OR10K1: variants seen among roughly 807,000 people sequenced by gnomAD.
The protein encoded by OR10K1 is olfactory receptor 10K1.
For synonymous variants in OR10K1, 186 were observed against 152.5 expected (o/e 1.22, Z -1.62); for missense variants, 404 against 373.3 (o/e 1.08, Z -0.68).
At position 158,466,111 on chromosome 1, in the gene OR10K1, G is replaced by T. The variant is rs1314916355; in HGVS notation, c.550G>T (p.Val184Phe). 2 of 1,613,746 alleles carry T rather than the reference G, an allele frequency of 1.2e-6. No individual in the cohort carries two copies. The highest frequency in any genetic ancestry group is 1.7e-5 in the Admixed American group (1 of 59,976). Residue 184 changes from valine to phenylalanine, a missense_variant, in exon 2 of 2, where the codon GTC becomes TTC. By Grantham distance (50) the Val-to-Phe change is conservative. Transcript: ENST00000641535. ...TCACTTCTTCTGTGACATCTCCCCTGTCCTTAAACTGGCATCTCAGCACTC... is the reference window on the plus strand; with the variant it reads ...TCACTTCTTCTGTGACATCTCCCCTTTCCTTAAACTGGCATCTCAGCACTC... ...LHHFFCDISP[V>F]LKLASQHSGF...
rs1223744513 is a variant in OR10K1 at position 158,466,868 on chromosome 1, AAAAG to A, written c.*373_*376del. 6.1e-6 allele frequency: 1 copy of A among 162,972 alleles called. No individual in the cohort carries two copies. The highest frequency in any genetic ancestry group is 6.3e-5 in the Admixed American group (1 of 15,982). 10.1% of individuals were successfully genotyped at this position (162,972 alleles called of 1,614,324 possible). On this transcript the variant is annotated 3_prime_UTR_variant, in exon 2 of 2. Transcript: ENST00000641535. Reference sequence around the variant, plus strand: ...AAGAAAAGATGTATCCAAAAAAAAAAAAAGAAAGAAAAAAGAAAAAAAAAAGGAA... The same window carrying A: ...AAGAAAAGATGTATCCAAAAAAAAAAAAAGAAAAAAGAAAAAAAAAAGGAA...
At position 158,466,004 on chromosome 1, in the gene OR10K1, C is replaced by T. The variant is rs764937666; in HGVS notation, c.443C>T (p.Ala148Val). 3 of 1,613,970 alleles carry T rather than the reference C, an allele frequency of 1.9e-6. No homozygotes were observed. Among genetic ancestry groups the T allele is most frequent in the African/African-American group, 2.7e-5 (2 of 74,880 alleles). Reference sequence around the variant, plus strand: ...GTGTGTATGGGACTAATGGCTGCTGCCTGTGCCTGTGGCTTCACTGTCTCC... The same window carrying T: ...GTGTGTATGGGACTAATGGCTGCTGTCTGTGCCTGTGGCTTCACTGTCTCC... ...HGVCMGLMAA[A>V]CACGFTVSLV... Residue 148 changes from alanine (A) to valine (V), a missense_variant, in exon 2 of 2, where the codon GCC (alanine) becomes GTC (valine). By Grantham distance (64) the Ala-to-Val change is moderately conservative (BLOSUM62 0). Coordinates refer to ENST00000641535, the MANE Select transcript of OR10K1 (RefSeq NM_001004473.2).
At chr1:158,462,100 T>C (rs1302259688) in intron 1 of OR10K1, among the ~76,000 whole-genome samples, 196 bp downstream of exon 1, 1 of 151,906 alleles carries the variant, frequency 6.6e-6, no homozygotes, top group Non-Finnish European at 1.5e-5. Flanking sequence ...GCCAACATGA[T>C]GAAACCCCGT....
chr1:158,464,205 G>C (rs2157688), intron 1 of OR10K1, among the ~76,000 whole-genome samples: 140,498 of 152,266 alleles, frequency 0.92, 65,041 homozygotes, highest in Middle Eastern at 0.98. Flanking sequence ...GGATGATTTT[G>C]TATCCAGATA....
chr1:158,462,888 A>G (rs551639059), intron 1 of OR10K1, among the ~76,000 whole-genome samples: 1 of 152,340 alleles, frequency 6.6e-6, no homozygotes, highest in South Asian at 2.1e-4. Flanking sequence ...AGCATCTCCA[A>G]GGATCATAGC....
intron 1 of OR10K1, among the ~76,000 whole-genome samples, chr1:158,463,812 T>TAC (rs1191177338): frequency 1.3e-5 from 2 of 152,182 alleles, no homozygotes; most frequent in Non-Finnish European, 2.9e-5. Context: ...ATATAACTAA[T>TAC]ACACACACAC....
In OR10K1 at chr1:158,466,845, G is replaced by T; in HGVS notation, c.*342G>T. ...TAGAGAGCTTGGATACATCAGGAAA[G>T]AAAAGATGTATCCAAAAAAAAAAAA... On this transcript the variant is annotated 3_prime_UTR_variant, in exon 2 of 2. Transcript: ENST00000641535. 3 of 72,084 alleles carry T rather than the reference G, an allele frequency of 4.2e-5. No individual in the cohort carries two copies. The highest frequency in any genetic ancestry group is 5.7e-5 in the African/African-American group (1 of 17,622). 4.5% of individuals were successfully genotyped at this position (72,084 alleles called of 1,614,324 possible).
In OR10K1 at chr1:158,466,348, A is replaced by G. The variant is rs756713502; in HGVS notation, c.787A>G (p.Lys263Glu). The G allele has an allele frequency of 1.2e-6, 2 of 1,614,086 alleles. No individual in the cohort carries two copies. Among genetic ancestry groups the G allele is most frequent in the Admixed American group, 3.3e-5 (2 of 59,988 alleles). ...SCASFIYLRP[K>E]TNYTSSQDTL... ...TGCCTCTTTCATCTACTTAAGGCCC[A>G]AGACTAATTACACTTCAAGCCAAGA... is the stretch of plus-strand genomic sequence containing the variant. The change falls in exon 2 of 2, where the codon AAG becomes GAG. Residue 263 changes from lysine to glutamate, a missense_variant. By Grantham distance (56) the Lys-to-Glu change is moderately conservative. Coordinates refer to ENST00000641535, the MANE Select transcript of OR10K1 (RefSeq NM_001004473.2).
rs1421096064 is a variant in OR10K1, at chr1:158,465,684, C to G, written c.123C>G (p.Thr41=). The part of the protein sequence containing the change: ...FLLLYLFTLG[T]NAIIISTIVL... Reference sequence around the variant, plus strand: ...TCCTCTACCTGTTCACTCTGGGCACCAATGCAATCATCATTTCCACCATTG... The same window carrying G: ...TCCTCTACCTGTTCACTCTGGGCACGAATGCAATCATCATTTCCACCATTG... Residue 41 remains threonine, a synonymous_variant, in exon 2 of 2, where the codon ACC becomes ACG. Transcript: ENST00000641535. The G allele has an allele frequency of 4.3e-6, 7 of 1,614,138 alleles. No homozygotes were observed. The highest frequency in any genetic ancestry group is 5.9e-6 in the Non-Finnish European group (7 of 1,180,008).
At position 158,465,486 on chromosome 1, in the gene OR10K1, C is replaced by A. The variant is rs1656013656; in HGVS notation, c.-76C>A. On this transcript the variant is annotated 5_prime_UTR_variant, in exon 2 of 2. Coordinates refer to ENST00000641535, the MANE Select transcript of OR10K1 (RefSeq NM_001004473.2). The stretch of plus-strand genomic sequence containing the variant: ...ACCTGCAAACTTTGTGTGAAATTTC[C>A]CGTACATTTCCACTCTCCTTTCTGG... The A allele has an allele frequency of 8.8e-7, 1 of 1,132,214 alleles. No homozygotes were observed. The highest frequency in any genetic ancestry group is 2.5e-5 in the Admixed American group (1 of 40,516). The allele number at this position is 1,132,214 out of a possible 1,614,324, so 70.1% of individuals were successfully genotyped here.
Position 158,465,566 on chromosome 1 carries a change from A to G in OR10K1, c.5A>G (p.Glu2Gly), listed in dbSNP as rs1191092277. The G allele has an allele frequency of 6.2e-7, 1 of 1,613,416 alleles. No individual in the cohort carries two copies. Among genetic ancestry groups the G allele is most frequent in the South Asian group, 1.1e-5 (1 of 91,018 alleles). Residue 2 changes from glutamate to glycine, a missense_variant, in exon 2 of 2, where the codon GAG (glutamate) becomes GGG (glycine). Transcript: ENST00000641535. ...TCCTTTATAGAAGTGCTCTCCATGG[A>G]GCAAGTCAATAAGACTGTGGTGAGA... M[E>G]QVNKTVVREF...
intron 1 of OR10K1, among the ~76,000 whole-genome samples, chr1:158,463,018 T>C (rs1418842): frequency 0.45 from 67,633 of 151,970 alleles, 15,641 homozygotes; most frequent in Non-Finnish European, 0.5. Context: ...ACTCCGATAC[T>C]ATCTTAGTCA....
In OR10K1 at chr1:158,466,304, T is replaced by C; in HGVS notation, c.743T>C (p.Val248Ala). 2.5e-6 allele frequency: 4 copies of C among 1,614,158 alleles called. No homozygotes were observed. Among genetic ancestry groups the C allele is most frequent in the Non-Finnish European group, 3.4e-6 (4 of 1,180,006 alleles). ...FSTCASHLIV[V>A]TVHYSCASFI... is the part of the protein sequence containing the mutation. ...ACCTGTGCCTCCCATCTCATTGTGG[T>C]AACTGTTCACTACAGTTGTGCCTCT... Residue 248 changes from valine (V) to alanine (A), a missense_variant, in exon 2 of 2, where the codon GTA (valine) becomes GCA (alanine). By Grantham distance (64) the Val-to-Ala change is moderately conservative. Transcript: ENST00000641535.
At position 158,466,593 on chromosome 1, in the gene OR10K1, C is replaced by A; in HGVS notation, c.*90C>A. On this transcript the variant is annotated 3_prime_UTR_variant, in exon 2 of 2. Coordinates refer to ENST00000641535, the MANE Select transcript of OR10K1 (RefSeq NM_001004473.2). ...TTTTTCATTTAATTGTCCAGCTCCA[C>A]TGTAACATAAGAACATTTTACATAT... is the stretch of plus-strand genomic sequence containing the variant. 1.3e-6 allele frequency: 1 copy of A among 792,632 alleles called. No homozygotes were observed. Among genetic ancestry groups the A allele is most frequent in the Non-Finnish European group, 2.1e-6 (1 of 479,034 alleles). The allele number at this position is 792,632 out of a possible 1,614,324, so 49.1% of individuals were successfully genotyped here.
In OR10K1 at chr1:158,465,790, A is replaced by G. The variant is rs1357605957; in HGVS notation, c.229A>G (p.Ile77Val). The change falls in exon 2 of 2, where the codon ATT becomes GTT. Residue 77 changes from isoleucine (I) to valine (V), a missense_variant. By Grantham distance (29) the Ile-to-Val change is conservative (BLOSUM62 3). Coordinates refer to ENST00000641535, the MANE Select transcript of OR10K1 (RefSeq NM_001004473.2). ...CTCTGAGATTTGCTATACCTTTGTC[A>G]TTGTACCCAAGATGCTGGTTGACCT... is the stretch of plus-strand genomic sequence containing the variant. ...SCSEICYTFV[I>V]VPKMLVDLLS... The G allele has an allele frequency of 2.5e-6, 4 of 1,614,116 alleles. No individual in the cohort carries two copies. In the South Asian group the frequency reaches 4.4e-5, roughly 18 times the overall value.
Position 158,466,333 on chromosome 1 carries a change from A to G in OR10K1, c.772A>G (p.Ile258Val), listed in dbSNP as rs1161799926. 5 of 1,614,064 alleles carry G rather than the reference A, an allele frequency of 3.1e-6. No homozygotes were observed. Among genetic ancestry groups the G allele is most frequent in the Non-Finnish European group, 4.2e-6 (5 of 1,180,000 alleles). Reference sequence around the variant, plus strand: ...TGTTCACTACAGTTGTGCCTCTTTCATCTACTTAAGGCCCAAGACTAATTA... The same window carrying G: ...TGTTCACTACAGTTGTGCCTCTTTCGTCTACTTAAGGCCCAAGACTAATTA... Reference protein sequence around the residue: ...VTVHYSCASFIYLRPKTNYTS... With the variant: ...VTVHYSCASFVYLRPKTNYTS... Residue 258 changes from isoleucine to valine, a missense_variant, in exon 2 of 2, where the codon ATC (isoleucine) becomes GTC (valine). Ile to Val is a conservative substitution (Grantham distance 29). Coordinates refer to ENST00000641535, the MANE Select transcript of OR10K1 (RefSeq NM_001004473.2).
chr1:158,462,020 C>T (rs1571283342), intron 1 of OR10K1, 116 bp downstream of exon 1: 1 of 152,200 alleles, frequency 6.6e-6, no homozygotes, highest in East Asian at 1.9e-4. Context: ...TGGCTCACCC[C>T]TGCAATCCCA....
chr1:158,464,762 C>G (rs1655999487), intron 1 of OR10K1, among the ~76,000 whole-genome samples: 1 of 152,140 alleles, frequency 6.6e-6, no homozygotes, highest in Non-Finnish European at 1.5e-5. Flanking sequence ...GAATCTCATG[C>G]CTCAGCCTCC....
In OR10K1 at chr1:158,465,871, T is replaced by A; in HGVS notation, c.310T>A (p.Phe104Ile). The change falls in exon 2 of 2, where the codon TTC (phenylalanine) becomes ATC (isoleucine). Residue 104 changes from phenylalanine (F) to isoleucine (I), a missense_variant. Phe to Ile is a conservative substitution (Grantham distance 21). Coordinates refer to ENST00000641535, the MANE Select transcript of OR10K1 (RefSeq NM_001004473.2). Reference sequence around the variant, plus strand: ...GGGCTGTGCCATCCAAATGTTTTCCTTCCTCTTCTTTGGCTCCTCTCACTC... The same window carrying A: ...GGGCTGTGCCATCCAAATGTTTTCCATCCTCTTCTTTGGCTCCTCTCACTC... ...FLGCAIQMFS[F>I]LFFGSSHSFL... 2.5e-6 allele frequency: 4 copies of A among 1,614,224 alleles called. No individual in the cohort carries two copies. Among genetic ancestry groups the A allele is most frequent in the Non-Finnish European group, 3.4e-6 (4 of 1,180,034 alleles).
Sources: allele counts gnomAD v4.1 joint callset (sites outside exome capture counted in the v4.1 genomes callset), GRCh38; gene constraint gnomAD v4.1.1; transcripts MANE v1.5; gene names NCBI Gene and HGNC (gene_info 2026-07-23, HGNC 2026-07-21).